ZSWIM8: variants seen among roughly 807,000 people sequenced by gnomAD.
The protein encoded by ZSWIM8 is zinc finger SWIM-type containing 8.
In ZSWIM8, 27 loss-of-function variants were observed where a neutral mutation model predicts 173.7. The ratio of observed to expected loss-of-function variants is 0.16; its 90% CI spans 0.11 to 0.21. The LOEUF (loss-of-function observed/expected upper bound fraction) is 0.21, where lower values mean the gene tolerates loss of function less well. Among genes scored for constraint, ZSWIM8 ranks in the 10% least tolerant of loss-of-function variants. ZSWIM8 has a pLI of 1.00. For synonymous variants in ZSWIM8, 958 were observed against 962.0 expected (o/e 1.00, Z 0.08); for missense variants, 1,627 against 2,428.8 (o/e 0.67, Z 6.94).
intron 20 of ZSWIM8, 72 bp downstream of exon 20, chr10:73,798,525 G>A: frequency 7.2e-7 from 1 of 1,381,286 alleles, no homozygotes; most frequent in Non-Finnish European, 9.9e-7. Flanking sequence ...GGAAAGCTAA[G>A]GGCCCAGCTC....
intron 15 of ZSWIM8, 74 bp from the exon 16 acceptor site, chr10:73,796,700 G>A (rs2083675976): frequency 1.3e-6 from 2 of 1,570,604 alleles, no homozygotes; most frequent in African/African-American, 1.3e-5. Context: ...AAGGAGAAAG[G>A]AAGGTAATAG....
In ZSWIM8 at chr10:73,792,717, T is replaced by G. The variant is rs374792271; in HGVS notation, c.2178T>G (p.Asp726Glu). 1.3e-5 allele frequency: 21 copies of G among 1,613,730 alleles called. No homozygotes were observed. Among genetic ancestry groups the G allele is most frequent in the South Asian group, 7.7e-5 (7 of 91,078 alleles). Reference protein sequence around the residue: ...KEAAPAVGEEDDDYQAYYLNA... With the variant: ...KEAAPAVGEEEDDYQAYYLNA... ...CAGCCCCTGCAGTTGGAGAGGAGGA[T>G]GATGACTACCAGGCGTACTATCTGA... The change falls in exon 10 of 26, where the codon GAT becomes GAG. Residue 726 changes from aspartate to glutamate, a missense_variant. Coordinates refer to ENST00000604729, the MANE Select transcript of ZSWIM8 (RefSeq NM_001367799.1). The surrounding 1 kb of genome is among the most constrained non-coding windows in gnomAD (Gnocchi z 4.3).
Position 73,797,895 on chromosome 10 carries a change from C to T in ZSWIM8, c.3777C>T (p.Gly1259=), listed in dbSNP as rs1216513771. Residue 1259 remains glycine, a synonymous_variant, in exon 19 of 26, where the codon GGC becomes GGT. Transcript: ENST00000604729. This position sits in a 1 kb window ranked among gnomAD's most constrained non-coding sequence, Gnocchi z 5.6. ...AGACAGTGCTGATCAAGGCAGGGGG[C>T]AACAGCAGCACTTCCATTTTCACAC... ...LAKTVLIKAG[G]NSSTSIFTHP... is the part of the protein sequence containing the mutation. 33 of 1,613,868 alleles carry T rather than the reference C, an allele frequency of 2.0e-5. No homozygotes were observed. The highest frequency in any genetic ancestry group is 2.7e-5 in the Non-Finnish European group (32 of 1,179,890).
rs754518691 is a variant in ZSWIM8, at chr10:73,793,628, A to G, written c.2354A>G (p.Tyr785Cys). ...ACAEALHAHG[Y>C]SSEASRLTVE... Reference sequence around the variant, plus strand: ...GCTGAGGCCCTGCATGCGCATGGCTATAGCAGTGAGGCCTCCCGTCTCACT... The same window carrying G: ...GCTGAGGCCCTGCATGCGCATGGCTGTAGCAGTGAGGCCTCCCGTCTCACT... The change falls in exon 11 of 26, where the codon TAT becomes TGT. Residue 785 changes from tyrosine (Y) to cysteine (C), a missense_variant. Physicochemically the swap from Tyr to Cys is radical, Grantham distance 194. Around this residue, in one of 18 missense-constraint regions of ZSWIM8, gnomAD observed 383 missense variants for 394.8 expected, o/e 0.97. Transcript: ENST00000604729. The G allele has an allele frequency of 1.2e-6, 2 of 1,612,906 alleles. No individual in the cohort carries two copies. The highest frequency in any genetic ancestry group is 1.7e-6 in the Non-Finnish European group (2 of 1,179,288).
Position 73,791,557 on chromosome 10 carries a change from G to T in ZSWIM8, c.1319+58G>T. 6.8e-7 allele frequency: 1 copy of T among 1,480,090 alleles called. No individual in the cohort carries two copies. Among genetic ancestry groups the T allele is most frequent in the South Asian group, 1.3e-5 (1 of 74,382 alleles). The allele number at this position is 1,480,090 out of a possible 1,614,324, so 91.7% of individuals were successfully genotyped here. On this transcript the variant is annotated intron_variant, in intron 9 of 25. Transcript: ENST00000604729. This position sits in a 1 kb window ranked among gnomAD's most constrained non-coding sequence, Gnocchi z 6.0. ...AGCCTGGGCCAGCTCAGGACAGACT[G>T]AGCCTTCATCTCCTTGTTTGCAGAG...
intron 19 of ZSWIM8, 45 bp downstream of exon 19, chr10:73,798,115 G>A (rs1409534807): frequency 6.2e-7 from 1 of 1,603,952 alleles, no homozygotes; most frequent in Non-Finnish European, 8.5e-7. Context: ...GGATTAATTG[G>A]TGGGGATAAG....
rs1315442469 is a variant in ZSWIM8 at position 73,792,868 on chromosome 10, G to A, written c.2313+16G>A. The A allele has an allele frequency of 1.3e-6, 2 of 1,530,718 alleles. No individual in the cohort carries two copies. Among genetic ancestry groups the A allele is most frequent in the Admixed American group, 3.8e-5 (2 of 52,436 alleles). The allele number at this position is 1,530,718 out of a possible 1,614,324, so 94.8% of individuals were successfully genotyped here. A position where few individuals can be genotyped will look rare whatever the true frequency, so the allele number is the denominator to read the frequency against. The stretch of plus-strand genomic sequence containing the variant: ...TCGCATGGAGGTGAGGGGATGGAAG[G>A]AGGGAGGGCTGGGTGCTCCTTAGCC... On this transcript the variant is annotated intron_variant, in intron 10 of 25. Transcript: ENST00000604729. The surrounding 1 kb of genome is among the most constrained non-coding windows in gnomAD (Gnocchi z 4.3).
intron 1 of ZSWIM8, among the ~76,000 whole-genome samples, chr10:73,787,481 A>G (rs1040870593): frequency 6.6e-6 from 1 of 152,234 alleles, no homozygotes; most frequent in African/African-American, 2.4e-5. Context: ...ACATATTGGT[A>G]TCTTCCTGGT....
chr10:73,786,232 C>G (rs969873439), intron 1 of ZSWIM8, 146 bp downstream of exon 1: 2 of 918,388 alleles, frequency 2.2e-6, no homozygotes, highest in African/African-American at 1.7e-5. Flanking sequence ...GAGCTGTCCC[C>G]GACTGGGAGC....
At chr10:73,798,127 C>G (rs1178604053) in intron 19 of ZSWIM8, 57 bp downstream of exon 19, 9 of 1,597,176 alleles carry the variant, frequency 5.6e-6, no homozygotes, top group Non-Finnish European at 7.7e-6. Flanking sequence ...GGGGATAAGA[C>G]CCTTATCTTT....
At chr10:73,795,487 G>T (rs1346825807) in intron 14 of ZSWIM8, 52 bp from the exon 15 acceptor site, 1 of 1,607,678 alleles carries the variant, frequency 6.2e-7, no homozygotes, top group East Asian at 2.2e-5. Flanking sequence ...TACCTTTGCT[G>T]TCTTGGGAAT....
Position 73,791,361 on chromosome 10 carries a change from C to T in ZSWIM8, c.1181C>T (p.Ser394Leu), listed in dbSNP as rs1438486415. The change falls in exon 9 of 26, where the codon TCA becomes TTA. Residue 394 changes from serine to leucine, a missense_variant. Physicochemically the swap from Ser to Leu is moderately radical, Grantham distance 145. Around this residue, in one of 18 missense-constraint regions of ZSWIM8, gnomAD observed 103 missense variants for 155.6 expected, o/e 0.66. Transcript: ENST00000604729. The surrounding 1 kb of genome is among the most constrained non-coding windows in gnomAD (Gnocchi z 6.0). The part of the protein sequence containing the change: ...GWWYSVRTSA[S>L]HSSASGHTGR... Reference sequence around the variant, plus strand: ...TGGTATAGCGTACGTACCTCAGCCTCACACAGCAGTGCCAGTGGGCACACG... The same window carrying T: ...TGGTATAGCGTACGTACCTCAGCCTTACACAGCAGTGCCAGTGGGCACACG... 1 of 1,613,328 alleles carries T rather than the reference C, an allele frequency of 6.2e-7. No homozygotes were observed.
intron 2 of ZSWIM8, 128 bp downstream of exon 2, chr10:73,788,951 C>T: frequency 7.0e-7 from 1 of 1,427,478 alleles, no homozygotes; most frequent in Non-Finnish European, 9.6e-7. Context: ...GAGGGATTGC[C>T]TGGGATTCCA....
chr10:73,800,815 T>G lies in ZSWIM8; in HGVS notation c.5122+56T>G. 7.7e-7 allele frequency: 1 copy of G among 1,304,068 alleles called. No individual in the cohort carries two copies. Among genetic ancestry groups the G allele is most frequent in the Non-Finnish European group, 1.1e-6 (1 of 932,022 alleles). The allele number at this position is 1,304,068 out of a possible 1,614,324, so 80.8% of individuals were successfully genotyped here. ...CCCCCCCCACCTGCTCTCCCCACCT[T>G]CCTTATCCCAGACCTCCTTCCTAGC... On this transcript the variant is annotated intron_variant, in intron 24 of 25. Coordinates refer to ENST00000604729, the MANE Select transcript of ZSWIM8 (RefSeq NM_001367799.1). This position sits in a 1 kb window ranked among gnomAD's most constrained non-coding sequence, Gnocchi z 4.1.
At position 73,800,078 on chromosome 10, in the gene ZSWIM8, C is replaced by G; in HGVS notation, c.4733C>G (p.Thr1578Ser). Reference protein sequence around the residue: ...YSVTPPSLAATAVSFPVPSMA... With the variant: ...YSVTPPSLAASAVSFPVPSMA... The stretch of plus-strand genomic sequence containing the variant: ...GTGACTCCTCCCTCACTTGCTGCCA[C>G]TGCTGTGTCTTTCCCCGTTCCTTCC... The change falls in exon 22 of 26, where the codon ACT (threonine) becomes AGT (serine). Residue 1578 changes from threonine to serine, a missense_variant. Thr to Ser is a moderately conservative substitution (Grantham distance 58). Coordinates refer to ENST00000604729, the MANE Select transcript of ZSWIM8 (RefSeq NM_001367799.1). The surrounding 1 kb of genome is among the most constrained non-coding windows in gnomAD (Gnocchi z 4.1). 1 of 1,613,886 alleles carries G rather than the reference C, an allele frequency of 6.2e-7. No homozygotes were observed. Among genetic ancestry groups the G allele is most frequent in the Non-Finnish European group, 8.5e-7 (1 of 1,179,838 alleles).
In ZSWIM8 at chr10:73,799,377, C is replaced by T; in HGVS notation, c.4552C>T (p.Pro1518Ser). Reference sequence around the variant, plus strand: ...CCTGCACCCCTACACTGCTCTACAGCCCCACCTGCCCTGTAGCCCTCAGTA... The same window carrying T: ...CCTGCACCCCTACACTGCTCTACAGTCCCACCTGCCCTGTAGCCCTCAGTA... Reference protein sequence around the residue: ...PGLHPYTALQPHLPCSPQYLT... With the variant: ...PGLHPYTALQSHLPCSPQYLT... Residue 1518 changes from proline to serine, a missense_variant, in exon 21 of 26, where the codon CCC becomes TCC. Physicochemically the swap from Pro to Ser is moderately conservative, Grantham distance 74 (BLOSUM62 -1). Around this residue, in one of 18 missense-constraint regions of ZSWIM8, gnomAD observed 275 missense variants for 290.1 expected, o/e 0.95. Transcript: ENST00000604729. 6.2e-7 allele frequency: 1 copy of T among 1,611,886 alleles called. No individual in the cohort carries two copies. Among genetic ancestry groups the T allele is most frequent in the Non-Finnish European group, 8.5e-7 (1 of 1,179,098 alleles).
At position 73,788,741 on chromosome 10, in the gene ZSWIM8, G is replaced by A; in HGVS notation, c.280G>A (p.Glu94Lys). ...ATTTCATATCCCATTTGAAGTGGTG[G>A]AGAAAGTTTACCCACCAGTGCCTGA... ...VAFHIPFEVV[E>K]KVYPPVPEQL... The change falls in exon 2 of 26, where the codon GAG (glutamate) becomes AAG (lysine). Residue 94 changes from glutamate (E) to lysine (K), a missense_variant. Coordinates refer to ENST00000604729, the MANE Select transcript of ZSWIM8 (RefSeq NM_001367799.1). 1 of 1,614,030 alleles carries A rather than the reference G, an allele frequency of 6.2e-7. No individual in the cohort carries two copies. The highest frequency in any genetic ancestry group is 8.5e-7 in the Non-Finnish European group (1 of 1,179,894).
Position 73,799,349 on chromosome 10 carries a change from T to C in ZSWIM8, c.4524T>C (p.Pro1508=), listed in dbSNP as rs200266036. The part of the protein sequence containing the change: ...PGPGLGHGHS[P]GLHPYTALQP... ...CAGGACTGGGGCATGGCCACTCCCCTGGCCTGCACCCCTACACTGCTCTAC... is the reference window on the plus strand; with the variant it reads ...CAGGACTGGGGCATGGCCACTCCCCCGGCCTGCACCCCTACACTGCTCTAC... The change falls in exon 21 of 26, where the codon CCT becomes CCC. Residue 1508 remains proline (P), a synonymous_variant. Coordinates refer to ENST00000604729, the MANE Select transcript of ZSWIM8 (RefSeq NM_001367799.1). 6.2e-7 allele frequency: 1 copy of C among 1,611,090 alleles called. No individual in the cohort carries two copies. Among genetic ancestry groups the C allele is most frequent in the Non-Finnish European group, 8.5e-7 (1 of 1,178,862 alleles).
chr10:73,792,156 T>A lies in ZSWIM8; in HGVS notation c.1617T>A (p.Ala539=), dbSNP rs1194026265. ...DRPRPLPTEP[A]VRPKEPGTKR... ...CCCGACCCCTTCCTACTGAGCCAGC[T>A]GTGCGGCCCAAGGAGCCTGGGACCA... Residue 539 remains alanine, a synonymous_variant, in exon 10 of 26, where the codon GCT becomes GCA. Coordinates refer to ENST00000604729, the MANE Select transcript of ZSWIM8 (RefSeq NM_001367799.1). The surrounding 1 kb of genome is among the most constrained non-coding windows in gnomAD (Gnocchi z 4.3). 1 of 1,529,010 alleles carries A rather than the reference T, an allele frequency of 6.5e-7. No homozygotes were observed. The highest frequency in any genetic ancestry group is 8.8e-7 in the Non-Finnish European group (1 of 1,138,966). 94.7% of individuals were successfully genotyped at this position (1,529,010 alleles called of 1,614,324 possible).
Sources: gnomAD v4.1 joint callset for allele counts (sites outside exome capture counted in the v4.1 genomes callset) on GRCh38, gnomAD v4.1.1 for gene constraint, gnomAD v4.1.1 regional missense constraint, Gnocchi (gnomAD v3.1) non-coding constraint, MANE v1.5 for transcripts, NCBI Gene and HGNC (gene_info 2026-07-23, HGNC 2026-07-21) for gene names.